NPAS3: variants seen among roughly 807,000 people sequenced by gnomAD.
NPAS3 encodes the protein neuronal PAS domain-containing protein 3.
NPAS3 carries 14 observed loss-of-function variants against 73.1 expected under a neutral mutation model. That is an observed-to-expected ratio of 0.19 (90% CI 0.13 to 0.30). The LOEUF is 0.30. Ranked by LOEUF, NPAS3 falls within the 10% of genes least tolerant of loss-of-function variation. NPAS3 has a pLI of 1.00. For missense variants in NPAS3, 1,096 were observed against 1,250.0 expected (o/e 0.88, Z 1.86); for synonymous variants, 620 against 541.5 (o/e 1.14, Z -2.01).
intron 2 of NPAS3, among the ~76,000 whole-genome samples, chr14:33,125,264 G>A (rs1006590082): frequency 1.3e-5 from 2 of 151,910 alleles, no homozygotes; most frequent in African/African-American, 4.8e-5. Context: ...GAAGGAAGTA[G>A]GTCATATATG....
intron 6 of NPAS3, among the ~76,000 whole-genome samples, chr14:33,686,658 A>T (rs1048394157): frequency 1.1e-4 from 17 of 152,192 alleles, no homozygotes; most frequent in African/African-American, 3.9e-4. Context: ...ACAGTTTTTT[A>T]AAATTGTAAA....
chr14:33,178,079 GT>G (rs57878369), intron 2 of NPAS3, among the ~76,000 whole-genome samples: 3 of 126,390 alleles, frequency 2.4e-5, no homozygotes, highest in Non-Finnish European at 3.2e-5. Flanking sequence ...AATTTTTTTT[GT>G]TTTTTTTTTT....
At chr14:33,111,506 T>C (rs949744486) in intron 2 of NPAS3, among the ~76,000 whole-genome samples, 5 of 152,128 alleles carry the variant, frequency 3.3e-5, no homozygotes, top group African/African-American at 1.2e-4. Flanking sequence ...ATAATTTATA[T>C]CCCCAGGAAC....
chr14:33,515,870 A>C (rs1342691554), intron 4 of NPAS3, among the ~76,000 whole-genome samples: 1 of 152,096 alleles, frequency 6.6e-6, no homozygotes, highest in South Asian at 2.1e-4. Flanking sequence ...CTTTATTCAC[A>C]TGTCCCCAAA....
chr14:33,247,013 CAACAAACA>C (rs367720454), intron 3 of NPAS3, among the ~76,000 whole-genome samples: 1 of 151,292 alleles, frequency 6.6e-6, no homozygotes, highest in Non-Finnish European at 1.5e-5. Flanking sequence ...TACCCTGTTT[CAACAAACA>C]AACAAACAAA....
chr14:33,311,754 G>A (rs6571592), intron 3 of NPAS3, among the ~76,000 whole-genome samples: 21,792 of 151,990 alleles, frequency 0.14, 2,750 homozygotes, highest in African/African-American at 0.34. Context: ...TGGTGGAGGC[G>A]GGAAAAGGAT....
chr14:33,678,118 T>C (rs963844604), intron 6 of NPAS3, among the ~76,000 whole-genome samples: 6 of 152,164 alleles, frequency 3.9e-5, no homozygotes, highest in Non-Finnish European at 8.8e-5. Flanking sequence ...ATCTTCATGA[T>C]CCTTTTATCC....
intron 3 of NPAS3, among the ~76,000 whole-genome samples, chr14:33,266,736 T>TA (rs1377750220): frequency 6.6e-6 from 1 of 152,126 alleles, no homozygotes; most frequent in Non-Finnish European, 1.5e-5. Flanking sequence ...ATGAGCTTGT[T>TA]AAAGACTCCC....
chr14:33,049,127 C>T (rs1444317840), intron 1 of NPAS3, among the ~76,000 whole-genome samples: 1 of 152,148 alleles, frequency 6.6e-6, no homozygotes, highest in African/African-American at 2.4e-5. Context: ...GTAGCCAGCA[C>T]ACTTTGATAT....
intron 4 of NPAS3, among the ~76,000 whole-genome samples, chr14:33,521,501 G>A (rs1202393489): frequency 7.6e-6 from 1 of 132,006 alleles, no homozygotes; most frequent in East Asian, 2.3e-4. Flanking sequence ...GATTTGGAGA[G>A]ATGATCTGCT....
intron 4 of NPAS3, among the ~76,000 whole-genome samples, chr14:33,551,487 G>A: frequency 6.6e-6 from 1 of 152,156 alleles, no homozygotes; most frequent in East Asian, 1.9e-4. Flanking sequence ...TGTGTTTTCA[G>A]GTAAGTGAGG....
At chr14:33,402,317 C>A (rs1022163558) in intron 4 of NPAS3, among the ~76,000 whole-genome samples, 1 of 152,108 alleles carries the variant, frequency 6.6e-6, no homozygotes, top group Non-Finnish European at 1.5e-5. Flanking sequence ...TACTTTTCCT[C>A]AATCTCTTCA....
At chr14:33,672,215 C>T (rs919616353) in intron 5 of NPAS3, among the ~76,000 whole-genome samples, 9 of 152,148 alleles carry the variant, frequency 5.9e-5, no homozygotes, top group South Asian at 2.1e-4. Context: ...GGCATTTATA[C>T]AATCCCATCC....
intron 4 of NPAS3, among the ~76,000 whole-genome samples, chr14:33,472,584 A>G (rs2050834520): frequency 7.0e-6 from 1 of 143,472 alleles, no homozygotes; most frequent in African/African-American, 3.0e-5. Context: ...ACAATCTTCT[A>G]GGCTAGAGAC....
At chr14:33,522,522 T>C (rs1256995781) in intron 4 of NPAS3, among the ~76,000 whole-genome samples, 2 of 152,134 alleles carry the variant, frequency 1.3e-5, no homozygotes, top group African/African-American at 4.8e-5. Flanking sequence ...CCTCTACTCT[T>C]AACCATCACC....
chr14:33,793,363 CG>C (rs1277231582), intron 9 of NPAS3, among the ~76,000 whole-genome samples: 1 of 152,138 alleles, frequency 6.6e-6, no homozygotes, highest in Non-Finnish European at 1.5e-5. Flanking sequence ...TTTAGTTCAT[CG>C]GAGGACTATA....
chr14:33,078,026 C>T (rs1442201875), intron 2 of NPAS3, among the ~76,000 whole-genome samples: 2 of 151,850 alleles, frequency 1.3e-5, no homozygotes, highest in African/African-American at 4.8e-5. Flanking sequence ...ATAGTCCCAG[C>T]TACTCCAGAG....
At chr14:33,304,390 A>G (rs1291914407) in intron 3 of NPAS3, among the ~76,000 whole-genome samples, 1 of 152,112 alleles carries the variant, frequency 6.6e-6, no homozygotes, top group South Asian at 2.1e-4. Context: ...TGTTACTCAT[A>G]GAAAGTTGGT....
intron 5 of NPAS3, among the ~76,000 whole-genome samples, chr14:33,563,273 A>G (rs1387258573): frequency 6.6e-6 from 1 of 152,050 alleles, no homozygotes; most frequent in Non-Finnish European, 1.5e-5. Flanking sequence ...TTTTTGGCTC[A>G]CAAGAAAACA....
Sources: allele counts gnomAD v4.1 joint callset (sites outside exome capture counted in the v4.1 genomes callset), GRCh38; gene constraint gnomAD v4.1.1; transcripts MANE v1.5; gene names NCBI Gene and HGNC (gene_info 2026-07-23, HGNC 2026-07-21).